The following CNTN3 variants were observed in gnomAD, a reference collection of about 807,000 sequenced individuals.
The protein encoded by CNTN3 is contactin 3, also known as contactin-3.
CNTN3 carries 60 observed loss-of-function variants against 119.1 expected under a neutral mutation model. That is an observed-to-expected ratio of 0.50 (90% CI 0.41 to 0.62). The LOEUF (loss-of-function observed/expected upper bound fraction) is 0.62. Among genes scored for constraint, CNTN3 ranks in the 20% least tolerant of loss-of-function variants. The pLI, the probability that CNTN3 is intolerant of heterozygous loss-of-function variation, is 0.00. For missense variants in CNTN3, 1,101 were observed against 1,242.4 expected (o/e 0.89, Z 1.71); for synonymous variants, 450 against 438.7 (o/e 1.03, Z -0.32).
At chr3:74,432,092 T>C (rs1701793125) in intron 4 of CNTN3, among the ~76,000 whole-genome samples, 1 of 152,198 alleles carries the variant, frequency 6.6e-6, no homozygotes, top group Non-Finnish European at 1.5e-5. Flanking sequence ...GCTTAGTGAT[T>C]GGTAGTTATC....
rs1221180324 is a variant in CNTN3, at chr3:74,262,656, T to C, written c.*1745A>G. 2 of 152,714 alleles carry C rather than the reference T, an allele frequency of 1.3e-5. No homozygotes were observed. The highest frequency in any genetic ancestry group is 2.1e-4 in the South Asian group (1 of 4,828). 9.5% of individuals were successfully genotyped at this position (152,714 alleles called of 1,614,324 possible). On this transcript the variant is annotated 3_prime_UTR_variant, in exon 23 of 23. Transcript: ENST00000263665. ...CACAGGAATTGAAAGATAAATTTTATACTTTTCAATATGAAACAAAGTGCA... is the reference window on the plus strand; with the variant it reads ...CACAGGAATTGAAAGATAAATTTTACACTTTTCAATATGAAACAAAGTGCA...
At chr3:74,564,939 T>C (rs1363315470) in intron 1 of CNTN3, among the ~76,000 whole-genome samples, 1 of 152,080 alleles carries the variant, frequency 6.6e-6, no homozygotes, top group African/African-American at 2.4e-5. Flanking sequence ...TTTCTTTCTC[T>C]CTACTTAACA....
intron 1 of CNTN3, among the ~76,000 whole-genome samples, chr3:74,607,587 C>T (rs550841234): frequency 6.6e-6 from 1 of 152,276 alleles, no homozygotes; most frequent in Non-Finnish European, 1.5e-5. Flanking sequence ...GGGAAGTCAA[C>T]ACAGATTCCC....
intron 4 of CNTN3, among the ~76,000 whole-genome samples, chr3:74,451,996 A>G (rs1168879817): frequency 4.3e-4 from 59 of 136,448 alleles, no homozygotes; most frequent in African/African-American, 1.4e-3. Context: ...TTGGCGATGC[A>G]GGCTCTTTTT....
intron 4 of CNTN3, among the ~76,000 whole-genome samples, chr3:74,482,659 G>T (rs1344513081): frequency 6.6e-6 from 1 of 152,058 alleles, no homozygotes; most frequent in South Asian, 2.1e-4. Context: ...AAACAAAGAA[G>T]TTATGGCTAA....
intron 4 of CNTN3, among the ~76,000 whole-genome samples, chr3:74,469,296 T>C (rs1453398021): frequency 2.6e-5 from 4 of 152,096 alleles, no homozygotes; most frequent in Non-Finnish European, 5.9e-5. Flanking sequence ...TAGTAGAGTA[T>C]GTCATTTTAA....
At chr3:74,392,327 T>C (rs1016256181) in intron 5 of CNTN3, among the ~76,000 whole-genome samples, 7 of 152,128 alleles carry the variant, frequency 4.6e-5, no homozygotes, top group African/African-American at 1.7e-4. Flanking sequence ...CTCCCTCCCT[T>C]TCCTGTTTTC....
At chr3:74,493,322 G>A (rs532650011) in intron 3 of CNTN3, among the ~76,000 whole-genome samples, 2 of 151,972 alleles carry the variant, frequency 1.3e-5, no homozygotes, top group African/African-American at 4.8e-5. Context: ...TAACAAAACC[G>A]ACTTTAAGTA....
chr3:74,501,566 T>C (rs1703166752), intron 2 of CNTN3, among the ~76,000 whole-genome samples: 1 of 152,048 alleles, frequency 6.6e-6, no homozygotes, highest in Non-Finnish European at 1.5e-5. Context: ...TTTTAGCAAA[T>C]TATCAAAAAT....
chr3:74,358,435 G>A (rs1372242468), intron 11 of CNTN3, among the ~76,000 whole-genome samples: 3 of 149,086 alleles, frequency 2.0e-5, no homozygotes, highest in South Asian at 2.1e-4. Flanking sequence ...GTGCATTCCC[G>A]TCCATAAAAA....
intron 2 of CNTN3, among the ~76,000 whole-genome samples, chr3:74,517,237 C>T (rs761446293): frequency 6.6e-6 from 1 of 151,930 alleles, no homozygotes; most frequent in Non-Finnish European, 1.5e-5. Context: ...TACGATCTGG[C>T]CTTTAACTTC....
chr3:74,506,286 A>T (rs1703257295), intron 2 of CNTN3, among the ~76,000 whole-genome samples: 1 of 152,208 alleles, frequency 6.6e-6, no homozygotes, highest in African/African-American at 2.4e-5. Context: ...ATTCCATAAA[A>T]GAAGAGGACT....
intron 13 of CNTN3, among the ~76,000 whole-genome samples, chr3:74,330,602 T>G (rs1403849180): frequency 6.6e-6 from 1 of 152,192 alleles, no homozygotes; most frequent in Non-Finnish European, 1.5e-5. Flanking sequence ...TATAGTGTAC[T>G]TCTTCTACAA....
At chr3:74,509,731 G>A (rs1374839514) in intron 2 of CNTN3, among the ~76,000 whole-genome samples, 1 of 152,152 alleles carries the variant, frequency 6.6e-6, no homozygotes, top group East Asian at 1.9e-4. Flanking sequence ...GCATTTGGCA[G>A]TATGTATGAG....
chr3:74,458,541 G>A (rs1575746507), intron 4 of CNTN3, among the ~76,000 whole-genome samples: 1 of 152,010 alleles, frequency 6.6e-6, no homozygotes, highest in African/African-American at 2.4e-5. Flanking sequence ...ATAGTACAAA[G>A]GCAGAACTCA....
At chr3:74,358,590 T>C (rs1363255886) in intron 11 of CNTN3, among the ~76,000 whole-genome samples, 1 of 133,622 alleles carries the variant, frequency 7.5e-6, no homozygotes, top group African/African-American at 3.2e-5. Flanking sequence ...TCTTTTTTTT[T>C]TTTTTGATTT....
intron 14 of CNTN3, 38 bp from the exon 15 acceptor site, chr3:74,301,843 C>T: frequency 6.2e-7 from 1 of 1,601,100 alleles, no homozygotes; most frequent in Non-Finnish European, 8.5e-7. Context: ...AGTAGCAGTT[C>T]CATAAATGTC....
At chr3:74,431,642 G>A (rs960229273) in intron 4 of CNTN3, among the ~76,000 whole-genome samples, 1 of 152,144 alleles carries the variant, frequency 6.6e-6, no homozygotes, top group African/African-American at 2.4e-5. Flanking sequence ...TATGGGAAAT[G>A]CTGAAAAGGC....
intron 21 of CNTN3, 150 bp downstream of exon 21, chr3:74,267,116 A>G (rs1343297052): frequency 1.7e-6 from 1 of 574,934 alleles, no homozygotes; most frequent in Non-Finnish European, 3.1e-6. Flanking sequence ...ATTTTGAAAA[A>G]TTACCCATTT....
Sources: gnomAD v4.1 joint callset for allele counts (sites outside exome capture counted in the v4.1 genomes callset) on GRCh38, gnomAD v4.1.1 for gene constraint, MANE v1.5 for transcripts, NCBI Gene and HGNC (gene_info 2026-07-23, HGNC 2026-07-21) for gene names.